CHRM3: variants seen among roughly 807,000 people sequenced by gnomAD.
CHRM3 encodes the protein muscarinic acetylcholine receptor M3.
CHRM3 carries 11 observed loss-of-function variants against 41.8 expected under a neutral mutation model. That is an observed-to-expected ratio of 0.26 (90% CI 0.17 to 0.44). CHRM3 has a LOEUF of 0.44. Among genes scored for constraint, CHRM3 ranks in the 20% least tolerant of loss-of-function variants. The pLI, the probability that CHRM3 is intolerant of heterozygous loss-of-function variation, is 1.00. For synonymous variants in CHRM3, 297 were observed against 301.4 expected (o/e 0.99, Z 0.15); for missense variants, 571 against 745.4 (o/e 0.77, Z 2.72).
At chr1:239,906,707 G>A (rs1019265790) in intron 6 of CHRM3, among the ~76,000 whole-genome samples, 1 of 152,142 alleles carries the variant, frequency 6.6e-6, no homozygotes, top group African/African-American at 2.4e-5. Flanking sequence ...ACATTTTCAT[G>A]CTTGGATCTA....
chr1:239,496,007 T>C (rs1667852654), intron 2 of CHRM3, among the ~76,000 whole-genome samples: 1 of 152,174 alleles, frequency 6.6e-6, no homozygotes, highest in Non-Finnish European at 1.5e-5. Flanking sequence ...TAGCAACTTC[T>C]CTGTTCCTGG....
chr1:239,654,548 AC>A (rs1342047424), intron 4 of CHRM3, among the ~76,000 whole-genome samples: 6 of 151,968 alleles, frequency 3.9e-5, no homozygotes, highest in Admixed American at 3.9e-4. Flanking sequence ...ACAGGCACAC[AC>A]CACCCATCCT....
rs549009449 is a variant in CHRM3, at chr1:239,761,813, C to T, written c.-146-65439C>T. 4.5e-4 allele frequency among the ~76,000 whole-genome samples: 69 copies of T among 152,270 alleles called. 1 individual carries two copies. Among genetic ancestry groups the T allele is most frequent in the African/African-American group, 7.9e-4 (33 of 41,556 alleles). ...ACACGCTCACATTGATCAGTTGCAC[C>T]GGACAGATGTCTGGAATTTCCTCGC... On this transcript the variant is annotated intron_variant, in intron 5 of 6. Coordinates refer to ENST00000676153, the MANE Select transcript of CHRM3 (RefSeq NM_001375978.1).
At chr1:239,487,524 A>T (rs56272615) in intron 1 of CHRM3, among the ~76,000 whole-genome samples, 2,981 of 152,254 alleles carry the variant, frequency 0.02, 91 homozygotes, top group African/African-American at 0.067. Context: ...AAACATGTAA[A>T]AAAACCAAAC....
At chr1:239,824,758 C>G (rs1003422176) in intron 5 of CHRM3, among the ~76,000 whole-genome samples, 1 of 152,174 alleles carries the variant, frequency 6.6e-6, no homozygotes, top group Admixed American at 6.5e-5. Flanking sequence ...GTTATAGTAA[C>G]ATGGGACAAA....
At chr1:239,633,507 C>G (rs555808336) in intron 4 of CHRM3, among the ~76,000 whole-genome samples, 1 of 152,082 alleles carries the variant, frequency 6.6e-6, no homozygotes, top group Non-Finnish European at 1.5e-5. Context: ...CCTCTTCGTT[C>G]CTAACAAAAT....
intron 1 of CHRM3, among the ~76,000 whole-genome samples, chr1:239,478,083 C>T (rs80232904): frequency 0.016 from 2,390 of 152,196 alleles, 54 homozygotes; most frequent in Middle Eastern, 0.051. Context: ...TAAAGATCTC[C>T]CACAATGTGG....
intron 5 of CHRM3, among the ~76,000 whole-genome samples, chr1:239,716,575 A>G (rs1299588276): frequency 6.6e-6 from 1 of 152,110 alleles, no homozygotes; most frequent in African/African-American, 2.4e-5. Flanking sequence ...GGGAGAAATG[A>G]TGTTTACAGC....
At chr1:239,482,313 C>T (rs539376703) in intron 1 of CHRM3, among the ~76,000 whole-genome samples, 2 of 152,058 alleles carry the variant, frequency 1.3e-5, no homozygotes, top group Non-Finnish European at 2.9e-5. Context: ...CTTCTGTCCA[C>T]GTGGACATGC....
chr1:239,515,576 T>A (rs556370416), intron 2 of CHRM3, among the ~76,000 whole-genome samples: 1 of 152,282 alleles, frequency 6.6e-6, no homozygotes, highest in African/African-American at 2.4e-5. Context: ...GACTTTAACT[T>A]ATTTATTTTT....
chr1:239,621,687 A>G (rs948323141), intron 3 of CHRM3, among the ~76,000 whole-genome samples: 3 of 152,204 alleles, frequency 2.0e-5, no homozygotes, highest in Admixed American at 6.5e-5. Context: ...CTTCAATTCT[A>G]TGAAGGCTGA....
chr1:239,548,100 G>A (rs189178728), intron 3 of CHRM3, among the ~76,000 whole-genome samples: 1 of 152,076 alleles, frequency 6.6e-6, no homozygotes, highest in Non-Finnish European at 1.5e-5. Context: ...TATATCAGAC[G>A]TACGCTTGTT....
chr1:239,482,737 A>G (rs972466133), intron 1 of CHRM3, among the ~76,000 whole-genome samples: 2 of 152,286 alleles, frequency 1.3e-5, no homozygotes, highest in African/African-American at 4.8e-5. Context: ...ATGGTTTTGT[A>G]TCATATCTTT....
At chr1:239,443,025 G>A (rs1343733815) in intron 1 of CHRM3, among the ~76,000 whole-genome samples, 3 of 152,108 alleles carry the variant, frequency 2.0e-5, no homozygotes, top group African/African-American at 7.2e-5. Flanking sequence ...TATCCTTAAC[G>A]TTTTTATTTG....
At chr1:239,772,911 C>G (rs1292948761) in intron 5 of CHRM3, among the ~76,000 whole-genome samples, 1 of 152,142 alleles carries the variant, frequency 6.6e-6, no homozygotes, top group African/African-American at 2.4e-5. Flanking sequence ...TTTTTCATCT[C>G]CACTGTCAGA....
intron 2 of CHRM3, among the ~76,000 whole-genome samples, chr1:239,524,064 T>C (rs1669832680): frequency 6.6e-6 from 1 of 152,114 alleles, no homozygotes; most frequent in South Asian, 2.1e-4. Flanking sequence ...AGCTTTAAAG[T>C]ATTAAACCTA....
chr1:239,550,729 T>G (rs1572683113), intron 3 of CHRM3, among the ~76,000 whole-genome samples: 1 of 152,302 alleles, frequency 6.6e-6, no homozygotes, highest in East Asian at 1.9e-4. Context: ...CTGACTCTAC[T>G]AACTACCTTC....
chr1:239,816,889 C>T lies in CHRM3; in HGVS notation c.-146-10363C>T, dbSNP rs189384432. On this transcript the variant is annotated intron_variant, in intron 5 of 6. Transcript: ENST00000676153. ...GGGATTACATGTGCCCACCATTATG[C>T]CCAGCTAATTTTTTTATATTTTTAG... is the stretch of plus-strand genomic sequence containing the variant. 3.2e-3 allele frequency among the ~76,000 whole-genome samples: 481 copies of T among 152,120 alleles called. 2 individuals are homozygous for T. The highest frequency in any genetic ancestry group is 0.011 in the African/African-American group (455 of 41,492).
intron 1 of CHRM3, among the ~76,000 whole-genome samples, chr1:239,446,387 A>G (rs1293234180): frequency 1.3e-5 from 2 of 152,260 alleles, no homozygotes. Context: ...TAGGAAACAT[A>G]TACTAAAGTT....
Sources: gnomAD v4.1 joint callset for allele counts (sites outside exome capture counted in the v4.1 genomes callset) on GRCh38, gnomAD v4.1.1 for gene constraint, MANE v1.5 for transcripts, NCBI Gene and HGNC (gene_info 2026-07-23, HGNC 2026-07-21) for gene names.